Variants in RIMS2 observed in about 807,000 individuals in gnomAD.
RIMS2 encodes the protein regulating synaptic membrane exocytosis protein 2.
A neutral mutation model predicts 174.4 loss-of-function variants in RIMS2; 59 were observed. The ratio of observed to expected loss-of-function variants is 0.34; its 90% CI spans 0.27 to 0.42. The LOEUF (loss-of-function observed/expected upper bound fraction) is 0.42, where lower values mean the gene tolerates loss of function less well. Among genes scored for constraint, RIMS2 ranks in the 10% least tolerant of loss-of-function variants. RIMS2 has a pLI of 1.00. For synonymous variants in RIMS2, 606 were observed against 572.5 expected, an observed-to-expected ratio of 1.06 and a Z score of -0.84; for missense variants, 1,620 against 1,666.3, an observed-to-expected ratio of 0.97 and a Z score of 0.48.
intron 19 of RIMS2, among the ~76,000 whole-genome samples, chr8:104,099,431 A>T (rs540577580): frequency 4.1e-4 from 62 of 152,298 alleles, no homozygotes; most frequent in Non-Finnish European, 6.8e-4. Context: ...AAACCTTATA[A>T]GCCCAAATAA....
chr8:103,887,840 A>C (rs1212458310), intron 4 of RIMS2, among the ~76,000 whole-genome samples: 1 of 151,626 alleles, frequency 6.6e-6, no homozygotes, highest in Non-Finnish European at 1.5e-5. Context: ...AAGAGCCATA[A>C]AATTTTACTG....
intron 19 of RIMS2, among the ~76,000 whole-genome samples, chr8:104,236,211 C>G (rs185529885): frequency 6.6e-6 from 1 of 151,922 alleles, no homozygotes; most frequent in Non-Finnish European, 1.5e-5. Flanking sequence ...GTCAAGATTT[C>G]TTACTCCTAG....
intron 21 of RIMS2, 29 bp from the exon 28 acceptor site, chr8:104,249,458 G>A (rs771379632): frequency 4.1e-6 from 5 of 1,227,118 alleles, no homozygotes; most frequent in South Asian, 3.7e-5. Context: ...GTATATTAAA[G>A]CACATTTGTT....
chr8:104,116,168 G>A (rs1214372685), intron 19 of RIMS2, among the ~76,000 whole-genome samples: 1 of 152,162 alleles, frequency 6.6e-6, no homozygotes, highest in Non-Finnish European at 1.5e-5. Flanking sequence ...TGAAGGTTTG[G>A]TGGTTAATAA....
intron 1 of RIMS2, among the ~76,000 whole-genome samples, chr8:103,687,447 T>A (rs2096956026): frequency 6.6e-6 from 1 of 152,114 alleles, no homozygotes; most frequent in African/African-American, 2.4e-5. Context: ...CACAACATGA[T>A]GTTTTGAAGT....
At chr8:104,211,261 G>C (rs2099104167) in intron 19 of RIMS2, among the ~76,000 whole-genome samples, 1 of 152,108 alleles carries the variant, frequency 6.6e-6, no homozygotes, top group South Asian at 2.1e-4. Flanking sequence ...ATATTTATGA[G>C]AAAAAGAATA....
intron 19 of RIMS2, among the ~76,000 whole-genome samples, chr8:104,071,664 C>T (rs969546332): frequency 1.1e-4 from 16 of 152,124 alleles, no homozygotes; most frequent in African/African-American, 3.6e-4. Context: ...TCTCAATCTA[C>T]TGACCTCGTG....
intron 2 of RIMS2, among the ~76,000 whole-genome samples, chr8:103,744,537 A>T (rs916050790): frequency 2.0e-5 from 3 of 152,208 alleles, no homozygotes; most frequent in Non-Finnish European, 4.4e-5. Context: ...TGAAAAGCTT[A>T]GTAGGATTCA....
intron 15 of RIMS2, among the ~76,000 whole-genome samples, chr8:103,968,283 G>A (rs763679826): frequency 7.2e-5 from 11 of 151,888 alleles, no homozygotes; most frequent in Non-Finnish European, 1.3e-4. Context: ...TTTTTTAATC[G>A]AATCTGACAG....
chr8:104,083,235 G>C (rs1237086597), intron 19 of RIMS2, among the ~76,000 whole-genome samples: 2 of 152,132 alleles, frequency 1.3e-5, no homozygotes, highest in Non-Finnish European at 2.9e-5. Flanking sequence ...ATTTAGCCTT[G>C]ACTCTTTTCA....
At chr8:104,226,458 C>CTCAT (rs1386127130) in intron 19 of RIMS2, among the ~76,000 whole-genome samples, 1 of 152,198 alleles carries the variant, frequency 6.6e-6, no homozygotes, top group Non-Finnish European at 1.5e-5. Context: ...CGTTCATCCA[C>CTCAT]TCATTCATTC....
chr8:104,244,900 G>A lies in RIMS2; in HGVS notation c.3335-16G>A. On this transcript the variant is annotated splice_polypyrimidine_tract_variant and intron_variant, in intron 19 of 23. Coordinates refer to ENST00000504942, the Ensembl canonical transcript of RIMS2. The stretch of plus-strand genomic sequence containing the variant: ...TGATTACAAAGCTGTTACACTTTTT[G>A]TTTCTATCTCTGCAGAAGCAGGAGG... 6.2e-7 allele frequency: 1 copy of A among 1,607,710 alleles called. No homozygotes were observed.
At chr8:103,914,141 C>T (rs2076237496) in intron 6 of RIMS2, among the ~76,000 whole-genome samples, 1 of 152,120 alleles carries the variant, frequency 6.6e-6, no homozygotes, top group South Asian at 2.1e-4. Context: ...GTGAGATGTG[C>T]CTATAGTCCC....
chr8:103,792,759 A>C (rs2098512194), intron 3 of RIMS2, among the ~76,000 whole-genome samples: 1 of 152,048 alleles, frequency 6.6e-6, no homozygotes, highest in Non-Finnish European at 1.5e-5. Context: ...TGTCACCACC[A>C]AACCCAAGGA....
chr8:103,721,479 T>C (rs1402952761), intron 2 of RIMS2, among the ~76,000 whole-genome samples: 2 of 152,106 alleles, frequency 1.3e-5, no homozygotes, highest in African/African-American at 2.4e-5. Context: ...AAAGAGCATA[T>C]GTTGAAGTTT....
At chr8:103,979,492 A>G (rs899056306) in intron 16 of RIMS2, among the ~76,000 whole-genome samples, 1 of 152,198 alleles carries the variant, frequency 6.6e-6, no homozygotes, top group African/African-American at 2.4e-5. Context: ...AGGATATGAA[A>G]TCAGTATGTC....
intron 22 of RIMS2, among the ~76,000 whole-genome samples, chr8:104,249,792 T>C (rs2099353092): frequency 6.6e-6 from 1 of 152,190 alleles, no homozygotes. Context: ...ATAATGTAAG[T>C]TGTTAAATAA....
intron 15 of RIMS2, among the ~76,000 whole-genome samples, chr8:103,972,606 G>A (rs956720530): frequency 4.6e-5 from 7 of 151,990 alleles, no homozygotes; most frequent in Non-Finnish European, 8.8e-5. Context: ...TTCATCACTT[G>A]CTCCACTCCA....
At chr8:103,651,856 G>T (rs13249917) in intron 1 of RIMS2, among the ~76,000 whole-genome samples, 2,471 of 151,894 alleles carry the variant, frequency 0.016, 28 homozygotes, top group Middle Eastern at 0.028. Flanking sequence ...ATTAAAAAAA[G>T]GAAATCTATT....
Sources: gnomAD v4.1 joint callset for allele counts (sites outside exome capture counted in the v4.1 genomes callset) on GRCh38, gnomAD v4.1.1 for gene constraint, MANE v1.5 for transcripts, NCBI Gene and HGNC (gene_info 2026-07-23, HGNC 2026-07-21) for gene names.